XKR6: variants seen among roughly 807,000 people sequenced by gnomAD.
XKR6 encodes the protein XK related 6, also known as XK-related protein 6.
Under a neutral mutation model 56.7 loss-of-function variants are expected in XKR6, and 22 were observed. The ratio of observed to expected loss-of-function variants is 0.39; its 90% CI spans 0.28 to 0.55. The LOEUF (loss-of-function observed/expected upper bound fraction) is 0.55. Ranked by LOEUF, XKR6 falls within the 20% of genes least tolerant of loss-of-function variation. The probability of loss-of-function intolerance (pLI) is 0.66; values close to 1 mark genes in which losing one functional copy is unlikely to be tolerated. For missense variants in XKR6, 852 were observed against 889.0 expected (o/e 0.96, Z 0.53); for synonymous variants, 524 against 387.8 (o/e 1.35, Z -4.13).
At chr8:11,107,396 C>T (rs34772085) in intron 1 of XKR6, among the ~76,000 whole-genome samples, 71,826 of 151,738 alleles carry the variant, frequency 0.47, 18,768 homozygotes, top group African/African-American at 0.67. Flanking sequence ...AGACAGGGTC[C>T]TGCTATGTTA....
chr8:11,193,554 C>CA (rs1258251539), intron 1 of XKR6, among the ~76,000 whole-genome samples: 3 of 152,184 alleles, frequency 2.0e-5, no homozygotes, highest in African/African-American at 7.2e-5. Flanking sequence ...CGACTAGTGT[C>CA]AAAAGAGAAC....
intron 1 of XKR6, among the ~76,000 whole-genome samples, chr8:10,951,758 C>A (rs968292736): frequency 6.6e-6 from 1 of 152,196 alleles, no homozygotes; most frequent in Non-Finnish European, 1.5e-5. Flanking sequence ...GAAGCCACCC[C>A]AGCTGCATGT....
chr8:10,972,982 T>C (rs567096437), intron 1 of XKR6, among the ~76,000 whole-genome samples: 128 of 152,322 alleles, frequency 8.4e-4, no homozygotes, highest in Non-Finnish European at 1.5e-3. Context: ...ATTCATGAAC[T>C]GTTCATGGTG....
chr8:11,011,121 C>T lies in XKR6; in HGVS notation c.765-86291G>A, dbSNP rs141398879. On this transcript the variant is annotated intron_variant, in intron 1 of 2. Coordinates refer to ENST00000416569, the MANE Select transcript of XKR6 (RefSeq NM_173683.4). ...CCTGAAGTCCTACAGCAGTCATCAG[C>T]AGAGCTGGGATTTGAACTTGGCTCC... Among the ~76,000 whole-genome samples the T allele has an allele frequency of 3.3e-5, 5 of 152,336 alleles. No individual in the cohort carries two copies. In the East Asian group the frequency reaches 5.8e-4, roughly 18 times the overall value.
chr8:10,911,548 T>TAGAGAGAGA (rs1800367499), intron 2 of XKR6, among the ~76,000 whole-genome samples: 3 of 146,756 alleles, frequency 2.0e-5, no homozygotes, highest in African/African-American at 7.5e-5. Context: ...AATATATATA[T>TAGAGAGAGA]ATAGAGAGAA....
intron 1 of XKR6, among the ~76,000 whole-genome samples, chr8:10,988,263 T>A (rs1423770151): frequency 6.6e-6 from 1 of 152,226 alleles, no homozygotes; most frequent in Non-Finnish European, 1.5e-5. Flanking sequence ...TTTTGTTTGT[T>A]ACTGTTTCCC....
At chr8:11,184,427 T>C (rs774471227) in intron 1 of XKR6, among the ~76,000 whole-genome samples, 3 of 151,018 alleles carry the variant, frequency 2.0e-5, no homozygotes, top group Admixed American at 1.3e-4. Flanking sequence ...ACACTTATAT[T>C]ACATTTATTA....
At chr8:11,116,586 G>C (rs1358131468) in intron 1 of XKR6, among the ~76,000 whole-genome samples, 2 of 152,126 alleles carry the variant, frequency 1.3e-5, no homozygotes, top group Admixed American at 1.3e-4. Context: ...GGCCAGGCTG[G>C]TCTCGCACTC....
chr8:11,172,082 A>T (rs1235642008), intron 1 of XKR6, among the ~76,000 whole-genome samples: 1 of 151,950 alleles, frequency 6.6e-6, no homozygotes, highest in Non-Finnish European at 1.5e-5. Flanking sequence ...AAAGTTACCC[A>T]GTCTCAGGCC....
intron 1 of XKR6, among the ~76,000 whole-genome samples, chr8:10,986,455 C>T (rs530038324): frequency 2.0e-5 from 3 of 152,170 alleles, no homozygotes; most frequent in Admixed American, 6.5e-5. Context: ...AAGATAAAAG[C>T]GACACCATTA....
intron 1 of XKR6, among the ~76,000 whole-genome samples, chr8:11,002,065 TAA>T (rs541621602): frequency 1.3e-4 from 17 of 126,964 alleles, no homozygotes; most frequent in East Asian, 2.2e-4. Flanking sequence ...CCATGTGAGT[TAA>T]AAAAAAAAAA....
intron 1 of XKR6, among the ~76,000 whole-genome samples, chr8:11,176,386 C>A (rs781123249): frequency 6.6e-6 from 1 of 152,034 alleles, no homozygotes; most frequent in African/African-American, 2.4e-5. Context: ...AGATCTGTTA[C>A]GTGTACTATG....
chr8:10,944,861 A>T lies in XKR6; in HGVS notation c.765-20031T>A, dbSNP rs1020166642. 2.0e-5 allele frequency among the ~76,000 whole-genome samples: 3 copies of T among 152,174 alleles called. No individual in the cohort carries two copies. In the East Asian group the frequency reaches 5.8e-4, roughly 29 times the overall value. ...CCTTCTTTCCAGCAACTCTGACATC[A>T]GCTGAACAATGGTGGTGGGCTCAGG... On this transcript the variant is annotated intron_variant, in intron 1 of 2. Coordinates refer to ENST00000416569, the MANE Select transcript of XKR6 (RefSeq NM_173683.4).
chr8:11,123,547 C>G (rs557544077), intron 1 of XKR6: 1 of 261,026 alleles, frequency 3.8e-6, no homozygotes, highest in African/African-American at 2.2e-5. Context: ...AATATCATCA[C>G]CAACCTCAAA....
At chr8:10,914,173 C>G (rs557573019) in intron 2 of XKR6, among the ~76,000 whole-genome samples, 68 of 133,678 alleles carry the variant, frequency 5.1e-4, no homozygotes, top group East Asian at 3.1e-3. Context: ...GAGTGCCCCC[C>G]ACCCAGCCCA....
intron 2 of XKR6, among the ~76,000 whole-genome samples, chr8:10,900,237 A>G (rs1799997613): frequency 6.6e-6 from 1 of 152,120 alleles, no homozygotes; most frequent in Admixed American, 6.5e-5. Context: ...CCTTAAGCTC[A>G]AAGATCAGAT....
At chr8:10,975,027 C>G (rs1802511131) in intron 1 of XKR6, among the ~76,000 whole-genome samples, 1 of 152,184 alleles carries the variant, frequency 6.6e-6, no homozygotes, top group African/African-American at 2.4e-5. Flanking sequence ...TCAAATCCCA[C>G]CTCTGCCCCT....
At chr8:10,920,174 G>T (rs1167699538) in intron 2 of XKR6, among the ~76,000 whole-genome samples, 2 of 152,090 alleles carry the variant, frequency 1.3e-5, no homozygotes, top group Non-Finnish European at 2.9e-5. Flanking sequence ...GTGGACAAGA[G>T]TCATTGTAAA....
intron 1 of XKR6, among the ~76,000 whole-genome samples, chr8:11,116,653 G>A (rs1799190306): frequency 1.3e-5 from 2 of 152,094 alleles, no homozygotes; most frequent in African/African-American, 2.4e-5. Flanking sequence ...TTACAGGCAG[G>A]AGCCACTACA....
Sources: allele counts gnomAD v4.1 joint callset (sites outside exome capture counted in the v4.1 genomes callset), GRCh38; gene constraint gnomAD v4.1.1; transcripts MANE v1.5; gene names NCBI Gene and HGNC (gene_info 2026-07-23, HGNC 2026-07-21).